Variants in DHRSX observed in about 807,000 individuals in gnomAD.
DHRSX encodes the protein polyprenol dehydrogenase.
A neutral mutation model predicts 34.0 loss-of-function variants in DHRSX; 31 were observed. The observed-to-expected ratio is 0.91, with a 90% confidence interval of 0.69 to 1.23. The LOEUF (loss-of-function observed/expected upper bound fraction) is 1.23. DHRSX is among the 50% of genes most tolerant of loss of function. The pLI is 0.00. For missense variants in DHRSX, 414 were observed against 428.1 expected (o/e 0.97, Z 0.29); for synonymous variants, 201 against 183.8 (o/e 1.09, Z -0.76).
intron 1 of DHRSX, among the ~76,000 whole-genome samples, chrX:2,468,876 T>G (rs999541535): frequency 3.3e-5 from 5 of 149,506 alleles, no homozygotes; most frequent in Admixed American, 2.7e-4. Context: ...ATGTACACAC[T>G]GAAGAAGTTC....
chrX:2,450,026 G>A (rs185002066), intron 1 of DHRSX, among the ~76,000 whole-genome samples: 141 of 152,018 alleles, frequency 9.3e-4, no homozygotes, highest in African/African-American at 3.2e-3. Flanking sequence ...TTACACTGAC[G>A]AAAACCTCAC....
At chrX:2,489,310 G>C (rs141520513) in intron 1 of DHRSX, 1 of 1,613,952 alleles carries the variant, frequency 6.2e-7, no homozygotes, top group Non-Finnish European at 8.5e-7. Flanking sequence ...AGGTGGCCAC[G>C]TTGAGAAACA....
chrX:2,342,739 CAA>C (rs1352871570), intron 3 of DHRSX, among the ~76,000 whole-genome samples: 5 of 152,260 alleles, frequency 3.3e-5, no homozygotes, highest in African/African-American at 1.2e-4. Context: ...ATAACAAAAG[CAA>C]AGTTAAGCTA....
chrX:2,339,146 T>C (rs1569490976), intron 3 of DHRSX, among the ~76,000 whole-genome samples: 1 of 152,034 alleles, frequency 6.6e-6, no homozygotes, highest in Non-Finnish European at 1.5e-5. Flanking sequence ...TTCTTTTTAT[T>C]TTTTTCTGAG....
chrX:2,430,226 C>G (rs1291709756), intron 1 of DHRSX, among the ~76,000 whole-genome samples: 1 of 139,856 alleles, frequency 7.2e-6, no homozygotes. Flanking sequence ...GCCACTGCAC[C>G]GCAGCCTGGG....
At chrX:2,245,467 C>T (rs1356929137) in intron 5 of DHRSX, among the ~76,000 whole-genome samples, 1 of 151,720 alleles carries the variant, frequency 6.6e-6, no homozygotes, top group Non-Finnish European at 1.5e-5. Context: ...CGCCACCACG[C>T]CCGGCTAATT....
chrX:2,321,927 TTTCTC>T (rs1157032449), intron 3 of DHRSX, among the ~76,000 whole-genome samples: 3 of 152,046 alleles, frequency 2.0e-5, no homozygotes, highest in African/African-American at 7.2e-5. Flanking sequence ...GTAAATATAT[TTTCTC>T]TTCTCTATGA....
intron 6 of DHRSX, among the ~76,000 whole-genome samples, chrX:2,230,093 CTA>C (rs1159907455): frequency 1.3e-5 from 2 of 152,122 alleles, no homozygotes; most frequent in African/African-American, 2.4e-5. Flanking sequence ...GCATGTGTGT[CTA>C]TGCATGTGAA....
chrX:2,272,258 T>C (rs2041567804), intron 4 of DHRSX, among the ~76,000 whole-genome samples: 1 of 152,160 alleles, frequency 6.6e-6, no homozygotes, highest in African/African-American at 2.4e-5. Flanking sequence ...TCATATTTTA[T>C]TTGATGTGAA....
intron 3 of DHRSX, among the ~76,000 whole-genome samples, chrX:2,346,583 C>G (rs1462725737): frequency 1.3e-5 from 2 of 151,978 alleles, no homozygotes; most frequent in African/African-American, 4.8e-5. Context: ...AAGTAAACTA[C>G]AAGGTGACTC....
intron 3 of DHRSX, among the ~76,000 whole-genome samples, chrX:2,407,167 G>A (rs768457031): frequency 1.1e-4 from 16 of 152,290 alleles, no homozygotes; most frequent in African/African-American, 3.8e-4. Context: ...CTCAGAAACC[G>A]AAAGTCAAAT....
At chrX:2,345,655 CAAAAA>C (rs71309483) in intron 3 of DHRSX, among the ~76,000 whole-genome samples, 1 of 118,534 alleles carries the variant, frequency 8.4e-6, no homozygotes, top group Non-Finnish European at 1.7e-5. Flanking sequence ...AACTCTGTCT[CAAAAA>C]AAAAAAAAAA....
At chrX:2,348,683 CTTATTT>C (rs907927338) in intron 3 of DHRSX, among the ~76,000 whole-genome samples, 19 of 145,530 alleles carry the variant, frequency 1.3e-4, no homozygotes, top group Non-Finnish European at 1.6e-4. Context: ...TTGTGGGTCT[CTTATTT>C]TTATTTTTTT....
intron 1 of DHRSX, chrX:2,486,776 C>A (rs1187064936): frequency 6.6e-6 from 1 of 152,272 alleles, no homozygotes; most frequent in African/African-American, 2.4e-5. Context: ...GGAACCGCTT[C>A]CCTTAAAAAG....
Position 2,287,081 on chromosome X carries a change from G to A in DHRSX, c.388+4421C>T, listed in dbSNP as rs770216935. On this transcript the variant is annotated intron_variant, in intron 4 of 6. Coordinates refer to ENST00000334651, the MANE Select transcript of DHRSX (RefSeq NM_145177.3). Reference sequence around the variant, plus strand: ...GATTATTGGTCCAATGTTTGTTTCCGTTGCTAAAGTATGATTTCTATGAGG... The same window carrying A: ...GATTATTGGTCCAATGTTTGTTTCCATTGCTAAAGTATGATTTCTATGAGG... 5.9e-5 allele frequency among the ~76,000 whole-genome samples: 9 copies of A among 152,272 alleles called. No homozygotes were observed. In the South Asian group the frequency reaches 8.3e-4, roughly 14 times the overall value.
intron 3 of DHRSX, among the ~76,000 whole-genome samples, chrX:2,295,165 A>G (rs1402951107): frequency 3.3e-5 from 5 of 152,192 alleles, no homozygotes; most frequent in African/African-American, 1.2e-4. Flanking sequence ...CAAAAACTTG[A>G]AACCAACCCA....
intron 5 of DHRSX, among the ~76,000 whole-genome samples, chrX:2,265,825 T>A (rs1338815887): frequency 1.1e-4 from 5 of 46,164 alleles, no homozygotes; most frequent in East Asian, 1.7e-3. Flanking sequence ...AGCACTGTCC[T>A]CAGAGCACCA....
At chrX:2,274,355 T>A (rs1343344136) in intron 4 of DHRSX, among the ~76,000 whole-genome samples, 1 of 150,632 alleles carries the variant, frequency 6.6e-6, no homozygotes, top group Admixed American at 6.6e-5. Flanking sequence ...TATTATTATT[T>A]TTTTGGAGAC....
At chrX:2,303,677 T>C (rs1319906772) in intron 3 of DHRSX, among the ~76,000 whole-genome samples, 1 of 152,126 alleles carries the variant, frequency 6.6e-6, no homozygotes, top group Non-Finnish European at 1.5e-5. Context: ...GATGCATGCA[T>C]GGACGGATGG....
Sources: allele counts gnomAD v4.1 joint callset (sites outside exome capture counted in the v4.1 genomes callset), GRCh38; gene constraint gnomAD v4.1.1; transcripts MANE v1.5; gene names NCBI Gene and HGNC (gene_info 2026-07-23, HGNC 2026-07-21).